APBA1: variants seen among roughly 807,000 people sequenced by gnomAD.
APBA1 encodes amyloid-beta A4 precursor protein-binding family A member 1.
Under a neutral mutation model 86.6 loss-of-function variants are expected in APBA1, and 55 were observed. The observed-to-expected ratio is 0.64, with a 90% CI of 0.51 to 0.80. The LOEUF (loss-of-function observed/expected upper bound fraction) is 0.80, where lower values mean the gene tolerates loss of function less well. APBA1 is among the 30% of genes least tolerant of loss of function. APBA1 has a pLI of 0.00. For missense variants in APBA1, 1,090 were observed against 1,183.0 expected (o/e 0.92, Z 1.15); for synonymous variants, 511 against 493.9 (o/e 1.03, Z -0.46).
chr9:69,490,389 G>A (rs186170721), intron 2 of APBA1, among the ~76,000 whole-genome samples: 43 of 151,934 alleles, frequency 2.8e-4, no homozygotes, highest in African/African-American at 9.4e-4. Flanking sequence ...ATGAATTAAT[G>A]GGTGCAGCAC....
chr9:69,533,357 T>TA (rs1349092365), intron 1 of APBA1, among the ~76,000 whole-genome samples: 1 of 152,120 alleles, frequency 6.6e-6, no homozygotes, highest in Non-Finnish European at 1.5e-5. Context: ...ATGAGCCTAT[T>TA]AAAAAAACCA....
In APBA1 at chr9:69,516,251, C is replaced by T. The variant is rs2133888944; in HGVS notation, c.960G>A (p.Ala320=). Residue 320 remains alanine, a synonymous_variant, in exon 2 of 13, where the codon GCG becomes GCA. Transcript: ENST00000265381. This position sits in a 1 kb window ranked among gnomAD's most constrained non-coding sequence, Gnocchi z 7.3. ...CGGGGCCCACCGCCCGCTGCTGCCCCGCCGGCGCCTGCAGCCCGGGGCTGT... is the reference window on the plus strand; with the variant it reads ...CGGGGCCCACCGCCCGCTGCTGCCCTGCCGGCGCCTGCAGCCCGGGGCTGT... ...RPDSPGLQAP[A]GQQRAVGPAG... 1 of 1,380,444 alleles carries T rather than the reference C, an allele frequency of 7.2e-7. No individual in the cohort carries two copies. Among genetic ancestry groups the T allele is most frequent in the African/African-American group, 1.5e-5 (1 of 65,462 alleles). The allele number at this position is 1,380,444 out of a possible 1,614,324, so 85.5% of individuals were successfully genotyped here.
intron 1 of APBA1, among the ~76,000 whole-genome samples, chr9:69,655,283 T>C (rs1000781957): frequency 6.6e-5 from 10 of 152,170 alleles, no homozygotes; most frequent in African/African-American, 2.2e-4. Flanking sequence ...CTGGCAGATA[T>C]GAATATATAT....
chr9:69,552,465 C>T (rs1388960127), intron 1 of APBA1, among the ~76,000 whole-genome samples: 6 of 152,160 alleles, frequency 3.9e-5, no homozygotes, highest in African/African-American at 9.7e-5. Context: ...AACTTATTCC[C>T]CCACTACCCC....
rs1834519211 is a variant in APBA1 at position 69,428,091 on chromosome 9, GA to G, written c.*3235del. ...GTGAATGCGAGTAAACACATCTAAG[GA>G]GGGGCGGCCCCTGGTTGTAAACATT... On this transcript the variant is annotated 3_prime_UTR_variant, in exon 13 of 13. Coordinates refer to ENST00000265381, the MANE Select transcript of APBA1 (RefSeq NM_001163.4). 1 of 152,344 alleles carries G rather than the reference GA, an allele frequency of 6.6e-6. No homozygotes were observed. Among genetic ancestry groups the G allele is most frequent in the Non-Finnish European group, 1.5e-5 (1 of 68,064 alleles). The allele number at this position is 152,344 out of a possible 1,614,324, so 9.4% of individuals were successfully genotyped here.
chr9:69,549,451 A>G (rs1836750808), intron 1 of APBA1, among the ~76,000 whole-genome samples: 1 of 152,102 alleles, frequency 6.6e-6, no homozygotes, highest in Admixed American at 6.6e-5. Context: ...CTTTCACCCA[A>G]AGTTGTCTCA....
In APBA1 at chr9:69,535,792, A is replaced by C. The variant is rs979845961; in HGVS notation, c.-69-18513T>G. Among the ~76,000 whole-genome samples the C allele has an allele frequency of 4.4e-4, 67 of 152,236 alleles. 1 individual carries two copies. Among genetic ancestry groups the C allele is most frequent in the African/African-American group, 1.6e-3 (65 of 41,558 alleles). ...AGCCTATGTCTAATCTCTAAAAGCT[A>C]AAAGCTCTTTCTTTTCCTATTATCT... On this transcript the variant is annotated intron_variant, in intron 1 of 12. Transcript: ENST00000265381.
intron 1 of APBA1, among the ~76,000 whole-genome samples, chr9:69,585,647 T>G (rs529291885): frequency 6.6e-6 from 1 of 152,176 alleles, no homozygotes; most frequent in Non-Finnish European, 1.5e-5. Context: ...TGGTCTAACA[T>G]ACAGGGCCCA....
At chr9:69,523,456 T>C (rs1029233747) in intron 1 of APBA1, among the ~76,000 whole-genome samples, 2 of 133,896 alleles carry the variant, frequency 1.5e-5, no homozygotes, top group African/African-American at 5.8e-5. Flanking sequence ...TTAGCTATCA[T>C]GTATGTGTAT....
In APBA1 at chr9:69,658,166, GT is replaced by G. The variant is rs751087406; in HGVS notation, c.-70+13986del. ...GTGGAACAACCTAATAGCTCCCTTG[GT>G]TACCCTGTAGAGAGGCCTGCTGATG... On this transcript the variant is annotated intron_variant, in intron 1 of 12. Transcript: ENST00000265381. Among the ~76,000 whole-genome samples, 5 of 152,202 alleles carry G rather than the reference GT, an allele frequency of 3.3e-5. No homozygotes were observed. In the East Asian group the frequency reaches 7.7e-4, roughly 23 times the overall value.
intron 4 of APBA1, among the ~76,000 whole-genome samples, chr9:69,468,871 T>C (rs1401590416): frequency 3.1e-5 from 1 of 32,416 alleles, no homozygotes; most frequent in Non-Finnish European, 5.0e-5. Context: ...ATTTTCTTTC[T>C]TTTTTTTTTT....
intron 1 of APBA1, among the ~76,000 whole-genome samples, chr9:69,619,264 C>T (rs1160546531): frequency 6.6e-6 from 1 of 152,110 alleles, no homozygotes; most frequent in Non-Finnish European, 1.5e-5. Context: ...CCATAATATA[C>T]AGATTACTTT....
At chr9:69,456,975 C>T (rs891371728) in intron 7 of APBA1, 78 bp downstream of exon 7, 1 of 1,241,882 alleles carries the variant, frequency 8.1e-7, no homozygotes, top group Non-Finnish European at 1.2e-6. Flanking sequence ...AGACACATGC[C>T]TGCTCTACAG....
chr9:69,543,449 G>A (rs191396137), intron 1 of APBA1, among the ~76,000 whole-genome samples: 19 of 152,130 alleles, frequency 1.2e-4, no homozygotes, highest in Middle Eastern at 3.2e-3. Flanking sequence ...TTTCCAGACC[G>A]CCACTGATCT....
chr9:69,535,461 G>C (rs1836493924), intron 1 of APBA1, among the ~76,000 whole-genome samples: 2 of 152,126 alleles, frequency 1.3e-5, no homozygotes, highest in Admixed American at 1.3e-4. Context: ...GGAAATTTTT[G>C]GAAGATGAAT....
At chr9:69,448,337 G>A (rs1036710267) in intron 10 of APBA1, among the ~76,000 whole-genome samples, 8 of 152,206 alleles carry the variant, frequency 5.3e-5, no homozygotes, top group Non-Finnish European at 8.8e-5. Flanking sequence ...GCCTCACAGA[G>A]GCCCAATTAA....
chr9:69,470,195 C>T (rs1835344865), intron 4 of APBA1, among the ~76,000 whole-genome samples: 1 of 152,156 alleles, frequency 6.6e-6, no homozygotes, highest in Non-Finnish European at 1.5e-5. Flanking sequence ...CATCGCATCA[C>T]ACCCAGAAAA....
chr9:69,463,359 C>T (rs1217506657), intron 5 of APBA1: 1 of 152,154 alleles, frequency 6.6e-6, no homozygotes, highest in Admixed American at 6.5e-5. Flanking sequence ...TCCTTTGTTT[C>T]TTTTCACATT....
At chr9:69,439,810 G>A (rs890304257) in intron 11 of APBA1, among the ~76,000 whole-genome samples, 5 of 151,594 alleles carry the variant, frequency 3.3e-5, no homozygotes, top group African/African-American at 4.8e-5. Context: ...ATCCAGCTTT[G>A]TTCCGTTGCT....
Sources: allele counts gnomAD v4.1 joint callset (sites outside exome capture counted in the v4.1 genomes callset), GRCh38; gene constraint gnomAD v4.1.1; non-coding constraint Gnocchi (gnomAD v3.1); transcripts MANE v1.5; gene names NCBI Gene and HGNC (gene_info 2026-07-23, HGNC 2026-07-21).